Variants in NYAP2 observed in about 807,000 individuals in gnomAD.
NYAP2 encodes neuronal tyrosine-phosphorylated phosphoinositide-3-kinase adapter 2.
NYAP2 carries 23 observed loss-of-function variants against 50.4 expected under a neutral mutation model. The observed-to-expected ratio is 0.46, with a 90% CI of 0.33 to 0.65. The LOEUF is 0.65. Ranked by LOEUF, NYAP2 falls within the 30% of genes least tolerant of loss-of-function variation. NYAP2 has a pLI of 0.02. For synonymous variants in NYAP2, 394 were observed against 365.2 expected (o/e 1.08, Z -0.90); for missense variants, 885 against 861.0 (o/e 1.03, Z -0.35).
intron 6 of NYAP2, among the ~76,000 whole-genome samples, chr2:225,647,549 T>A (rs1028631721): frequency 1.3e-5 from 2 of 152,120 alleles, no homozygotes; most frequent in African/African-American, 4.8e-5. Context: ...ATCACTGCCA[T>A]GGTAAGTAGG....
intron 3 of NYAP2, among the ~76,000 whole-genome samples, chr2:225,458,526 G>C (rs1302816008): frequency 6.6e-6 from 1 of 152,150 alleles, no homozygotes. Flanking sequence ...AGATTTATCT[G>C]ATTGCCAAAC....
chr2:225,470,456 C>A (rs1689995910), intron 3 of NYAP2, among the ~76,000 whole-genome samples: 1 of 152,122 alleles, frequency 6.6e-6, no homozygotes, highest in African/African-American at 2.4e-5. Context: ...GCATACATGG[C>A]AGTCTGGCAT....
At chr2:225,509,737 G>A (rs1337590403) in intron 3 of NYAP2, among the ~76,000 whole-genome samples, 3 of 152,138 alleles carry the variant, frequency 2.0e-5, no homozygotes, top group East Asian at 1.9e-4. Context: ...TATAGGGATC[G>A]GAAACATAAA....
chr2:225,428,878 G>A (rs1372203068), intron 3 of NYAP2, among the ~76,000 whole-genome samples: 1 of 152,208 alleles, frequency 6.6e-6, no homozygotes, highest in African/African-American at 2.4e-5. Context: ...TTATGTAAGA[G>A]AGAAAAATGT....
chr2:225,668,956 C>CTTTTT, the NYAP2 span, among the ~76,000 whole-genome samples: 10 of 69,568 alleles, frequency 1.4e-4, no homozygotes, highest in African/African-American at 4.8e-4. Flanking sequence ...GTGTCCCCTG[C>CTTTTT]TTTTTTTTTT....
chr2:225,569,117 AC>A (rs1692018605), intron 4 of NYAP2, among the ~76,000 whole-genome samples: 1 of 152,156 alleles, frequency 6.6e-6, no homozygotes, highest in Admixed American at 6.5e-5. Context: ...AAATGAATGG[AC>A]TTGGAGAACA....
chr2:225,530,055 A>T (rs956255512), intron 4 of NYAP2, among the ~76,000 whole-genome samples: 10 of 152,100 alleles, frequency 6.6e-5, no homozygotes, highest in Admixed American at 2.6e-4. Flanking sequence ...CATTTTTCCC[A>T]TTTGATAATA....
the NYAP2 span, among the ~76,000 whole-genome samples, chr2:225,696,260 T>C: frequency 6.6e-6 from 1 of 151,946 alleles, no homozygotes; most frequent in African/African-American, 2.4e-5. Flanking sequence ...AGTTTTGTAA[T>C]TGCAGCAGGT....
At chr2:225,659,276 C>T in the NYAP2 span, among the ~76,000 whole-genome samples, 2 of 152,130 alleles carry the variant, frequency 1.3e-5, no homozygotes, top group Admixed American at 6.5e-5. Flanking sequence ...AGCAGAAGTA[C>T]GTACTCCAGC....
intron 3 of NYAP2, among the ~76,000 whole-genome samples, chr2:225,443,875 C>T (rs1271029348): frequency 6.6e-6 from 1 of 152,126 alleles, no homozygotes; most frequent in South Asian, 2.1e-4. Context: ...TGGTCACTGA[C>T]CATAGATCCA....
At chr2:225,695,034 A>G in the NYAP2 span, among the ~76,000 whole-genome samples, 5 of 151,694 alleles carry the variant, frequency 3.3e-5, no homozygotes, top group Non-Finnish European at 7.4e-5. Flanking sequence ...ATAAAAATCT[A>G]AAGAATAAAA....
rs1350759272 is a variant in NYAP2 at position 225,644,316 on chromosome 2, A to T, written c.1829-7116A>T. On this transcript the variant is annotated intron_variant, in intron 6 of 6. Transcript: ENST00000636099. ...TGTTTTTTTCCTGTAAATTTGTTTG[A>T]GTTCATTGTAGATTCTGGATATTAG... Among the ~76,000 whole-genome samples, 3 of 151,614 alleles carry T rather than the reference A, an allele frequency of 2.0e-5. No homozygotes were observed. The East Asian group carries it at 5.8e-4, about 29-fold the overall frequency.
the NYAP2 span, among the ~76,000 whole-genome samples, chr2:225,663,852 G>A: frequency 2.0e-5 from 3 of 152,006 alleles, no homozygotes; most frequent in South Asian, 4.2e-4. Context: ...CACTGCGCCC[G>A]GCCCTGTATC....
chr2:225,598,149 C>G (rs1490382332), intron 5 of NYAP2, among the ~76,000 whole-genome samples: 3 of 152,038 alleles, frequency 2.0e-5, no homozygotes, highest in South Asian at 2.1e-4. Context: ...AGTCCAGTAC[C>G]CTTGCGCCAT....
chr2:225,599,505 A>G (rs1692661656), intron 5 of NYAP2, among the ~76,000 whole-genome samples: 1 of 152,222 alleles, frequency 6.6e-6, no homozygotes, highest in African/African-American at 2.4e-5. Flanking sequence ...GGTAGAGCAC[A>G]CTGGGCCTCC....
chr2:225,544,163 A>G (rs1013436953), intron 4 of NYAP2, among the ~76,000 whole-genome samples: 1 of 149,502 alleles, frequency 6.7e-6, no homozygotes, highest in Non-Finnish European at 1.5e-5. Context: ...CTTTATTTTC[A>G]GTCTATGTGT....
intron 4 of NYAP2, among the ~76,000 whole-genome samples, chr2:225,534,295 G>T (rs1691309409): frequency 6.6e-6 from 1 of 152,172 alleles, no homozygotes; most frequent in East Asian, 1.9e-4. Context: ...GTAGCCATTG[G>T]CAACAAGTTA....
intron 3 of NYAP2, among the ~76,000 whole-genome samples, chr2:225,459,196 T>G (rs1053035320): frequency 1.3e-5 from 2 of 152,232 alleles, no homozygotes; most frequent in Admixed American, 6.5e-5. Context: ...ATGTTTACTT[T>G]TTAATATCTG....
At chr2:225,595,147 G>A (rs964224310) in intron 5 of NYAP2, among the ~76,000 whole-genome samples, 11 of 152,146 alleles carry the variant, frequency 7.2e-5, no homozygotes, top group Non-Finnish European at 1.0e-4. Context: ...ATTTTCCTAT[G>A]TTTTGCTTTT....
Sources: gnomAD v4.1 joint callset for allele counts (sites outside exome capture counted in the v4.1 genomes callset) on GRCh38, gnomAD v4.1.1 for gene constraint, MANE v1.5 for transcripts, NCBI Gene and HGNC (gene_info 2026-07-23, HGNC 2026-07-21) for gene names.